ACACB: variants seen among roughly 807,000 people sequenced by gnomAD.
ACACB encodes acetyl-CoA carboxylase beta, also known as acetyl-CoA carboxylase 2.
A neutral mutation model predicts 278.8 loss-of-function variants in ACACB; 209 were observed. That is an observed-to-expected ratio of 0.75 (90% CI 0.67 to 0.84). The LOEUF (loss-of-function observed/expected upper bound fraction) is 0.84. ACACB is among the 40% of genes least tolerant of loss of function. The pLI, the probability that ACACB is intolerant of heterozygous loss-of-function variation, is 0.00. For synonymous variants in ACACB, 1,174 were observed against 1,285.6 expected, an observed-to-expected ratio of 0.91 and a Z score of 1.86; for missense variants, 2,850 against 3,269.0, an observed-to-expected ratio of 0.87 and a Z score of 3.13.
chr12:109,209,940 C>A (rs564279765), intron 21 of ACACB, among the ~76,000 whole-genome samples: 1 of 75,302 alleles, frequency 1.3e-5, no homozygotes, highest in Non-Finnish European at 2.7e-5. Flanking sequence ...TACACACATA[C>A]ACACACGTGT....
intron 31 of ACACB, among the ~76,000 whole-genome samples, chr12:109,234,649 G>A (rs1384090346): frequency 4.6e-5 from 7 of 152,052 alleles, no homozygotes; most frequent in African/African-American, 7.2e-5. Context: ...TGTCCTTTGC[G>A]GGGACATGGA....
chr12:109,135,675 G>T (rs1035838766), intron 1 of ACACB, among the ~76,000 whole-genome samples: 1 of 151,854 alleles, frequency 6.6e-6, no homozygotes, highest in Admixed American at 6.6e-5. Context: ...TGTGGTTTTA[G>T]CTTTTATATT....
intron 1 of ACACB, among the ~76,000 whole-genome samples, chr12:109,130,890 C>A (rs1376709433): frequency 6.6e-6 from 1 of 152,194 alleles, no homozygotes; most frequent in African/African-American, 2.4e-5. Flanking sequence ...TAGCCAAACA[C>A]AAGTTGTGCT....
intron 21 of ACACB, among the ~76,000 whole-genome samples, chr12:109,209,946 CGT>C (rs1172718970): frequency 1.1e-3 from 78 of 70,800 alleles, no homozygotes; most frequent in Middle Eastern, 9.3e-3. Flanking sequence ...CATACACACA[CGT>C]GTGTGTATAT....
intron 2 of ACACB, among the ~76,000 whole-genome samples, chr12:109,145,700 A>C (rs2043225553): frequency 6.6e-6 from 1 of 152,086 alleles, no homozygotes; most frequent in South Asian, 2.1e-4. Context: ...CTTCTGAAAA[A>C]AAATATTATT....
intron 1 of ACACB, among the ~76,000 whole-genome samples, chr12:109,133,078 G>A (rs889777406): frequency 1.3e-5 from 2 of 152,108 alleles, no homozygotes; most frequent in African/African-American, 4.8e-5. Context: ...CATTTGTCCA[G>A]CCAGCCAGGA....
chr12:109,249,094 T>C (rs1358761993), intron 40 of ACACB: 2 of 152,180 alleles, frequency 1.3e-5, no homozygotes, highest in Non-Finnish European at 2.9e-5. Flanking sequence ...TAGGGACACA[T>C]CCAGAAGCAA....
rs748721206 is a variant in ACACB at position 109,188,098 on chromosome 12, G to A, written c.2080G>A (p.Glu694Lys). ...FSVAATGGLH[E>K]FADSQFGHCF... Reference sequence around the variant, plus strand: ...CGTGGCCGCTACTGGAGGCCTGCACGAGTTTGCGGATTCCCAATTTGGGCA... The same window carrying A: ...CGTGGCCGCTACTGGAGGCCTGCACAAGTTTGCGGATTCCCAATTTGGGCA... The change falls in exon 13 of 53, where the codon GAG becomes AAG. Residue 694 changes from glutamate to lysine, a missense_variant. Around this residue, in one of 3 missense-constraint regions of ACACB, gnomAD observed 2,265 missense variants for 2,561.3 expected, o/e 0.88. Transcript: ENST00000338432. 13 of 1,613,306 alleles carry A rather than the reference G, an allele frequency of 8.1e-6. No individual in the cohort carries two copies. The highest frequency in any genetic ancestry group is 2.2e-5 in the East Asian group (1 of 44,874).
intron 2 of ACACB, among the ~76,000 whole-genome samples, chr12:109,165,950 T>C (rs2043882413): frequency 6.6e-6 from 1 of 152,146 alleles, no homozygotes; most frequent in African/African-American, 2.4e-5. Flanking sequence ...AGGAAACCTG[T>C]TTTGTTGTTA....
At chr12:109,136,690 A>G (rs2042974063) in intron 1 of ACACB, among the ~76,000 whole-genome samples, 1 of 152,160 alleles carries the variant, frequency 6.6e-6, no homozygotes. Flanking sequence ...TTTATCTTGT[A>G]TCCTGCAACT....
rs2045894299 is a variant in ACACB, at chr12:109,213,008, T to G, written c.3350+72T>G. The G allele has an allele frequency of 5.3e-6, 7 of 1,316,602 alleles. 1 individual carries two copies. The South Asian group carries it at 6.0e-5, about 11-fold the overall frequency. 81.6% of individuals were successfully genotyped at this position (1,316,602 alleles called of 1,614,324 possible). A position where few individuals can be genotyped will look rare whatever the true frequency, so the allele number is the denominator to read the frequency against. Reference sequence around the variant, plus strand: ...CGCATGCATTGCACCAGGGTGGTGCTCTGGGGCTGTCTTCAGGGCAGGCTT... The same window carrying G: ...CGCATGCATTGCACCAGGGTGGTGCGCTGGGGCTGTCTTCAGGGCAGGCTT... On this transcript the variant is annotated intron_variant, in intron 22 of 52. Transcript: ENST00000338432.
chr12:109,250,996 G>A (rs1265279200), intron 41 of ACACB, among the ~76,000 whole-genome samples: 1 of 152,140 alleles, frequency 6.6e-6, no homozygotes, highest in Non-Finnish European at 1.5e-5. Context: ...TGGTCTGCCA[G>A]CACTTAGGAG....
At chr12:109,127,261 C>T (rs2042703031) in intron 1 of ACACB, among the ~76,000 whole-genome samples, 2 of 152,060 alleles carry the variant, frequency 1.3e-5, no homozygotes, top group Admixed American at 6.6e-5. Flanking sequence ...ACAAGTCACT[C>T]CACCTCTCTG....
intron 46 of ACACB, 53 bp from the exon 47 acceptor site, chr12:109,258,920 T>A: frequency 1.2e-6 from 2 of 1,604,858 alleles, no homozygotes; most frequent in South Asian, 2.2e-5. Flanking sequence ...CGTCCCTCTG[T>A]CCTGGGTTGT....
chr12:109,168,086 T>C, intron 4 of ACACB, 52 bp downstream of exon 4: 1 of 1,558,038 alleles, frequency 6.4e-7, no homozygotes, highest in Non-Finnish European at 8.7e-7. Context: ...TTGCCTGCCC[T>C]CGCCTCCTTC....
At chr12:109,215,139 G>T (rs2045956626) in intron 22 of ACACB, among the ~76,000 whole-genome samples, 1 of 151,980 alleles carries the variant, frequency 6.6e-6, no homozygotes, top group Admixed American at 6.6e-5. Context: ...TTTACATGGG[G>T]ATCTTTTGGT....
chr12:109,165,403 G>T (rs1489411308), intron 2 of ACACB, among the ~76,000 whole-genome samples: 1 of 151,952 alleles, frequency 6.6e-6, no homozygotes, highest in East Asian at 1.9e-4. Context: ...TGCCCAGGCT[G>T]GTCTCGAACT....
At chr12:109,220,642 C>T (rs2046132901) in intron 24 of ACACB, among the ~76,000 whole-genome samples, 1 of 152,124 alleles carries the variant, frequency 6.6e-6, no homozygotes, top group African/African-American at 2.4e-5. Context: ...ACCTCTGCCT[C>T]CTGGGTTCAA....
At chr12:109,181,562 T>C (rs1338135634) in intron 11 of ACACB, among the ~76,000 whole-genome samples, 1 of 152,176 alleles carries the variant, frequency 6.6e-6, no homozygotes, top group Non-Finnish European at 1.5e-5. Context: ...CATCTGTTGA[T>C]GGACATTTAG....
Sources: gnomAD v4.1 joint callset for allele counts (sites outside exome capture counted in the v4.1 genomes callset) on GRCh38, gnomAD v4.1.1 for gene constraint, gnomAD v4.1.1 regional missense constraint, MANE v1.5 for transcripts, NCBI Gene and HGNC (gene_info 2026-07-23, HGNC 2026-07-21) for gene names.